The following CRY1 variants were observed in gnomAD, a reference collection of about 807,000 sequenced individuals.
CRY1 encodes the protein cryptochrome-1.
In CRY1, 45 loss-of-function variants were observed where a neutral mutation model predicts 76.0. That is an observed-to-expected ratio of 0.59 (90% CI 0.47 to 0.76). The LOEUF (loss-of-function observed/expected upper bound fraction) is 0.76, where lower values mean the gene tolerates loss of function less well. Ranked by LOEUF, CRY1 falls within the 30% of genes least tolerant of loss-of-function variation. The probability of loss-of-function intolerance (pLI) is 0.00; values close to 1 mark genes in which losing one functional copy is unlikely to be tolerated. For synonymous variants in CRY1, 248 were observed against 244.0 expected, an observed-to-expected ratio of 1.02 and a Z score of -0.15; for missense variants, 587 against 716.4, an observed-to-expected ratio of 0.82 and a Z score of 2.06.
intron 2 of CRY1, among the ~76,000 whole-genome samples, chr12:107,016,464 A>C (rs911548665): frequency 6.6e-6 from 1 of 152,264 alleles, no homozygotes; most frequent in Non-Finnish European, 1.5e-5. Context: ...CATATGTCCT[A>C]GGAGAAAGCA....
chr12:107,078,890 C>T (rs1048472124), intron 1 of CRY1, among the ~76,000 whole-genome samples: 1 of 152,136 alleles, frequency 6.6e-6, no homozygotes, highest in Non-Finnish European at 1.5e-5. Flanking sequence ...TTCACTGTAC[C>T]TCTACAGGCT....
chr12:107,065,652 G>C (rs1038689362), intron 1 of CRY1, among the ~76,000 whole-genome samples: 6 of 151,904 alleles, frequency 3.9e-5, no homozygotes, highest in African/African-American at 1.5e-4. Context: ...AAATAAAACA[G>C]AACTATTATA....
At position 106,998,727 on chromosome 12, in the gene CRY1, T is replaced by A. The variant is rs138302013; in HGVS notation, c.1138-661A>T. Among the ~76,000 whole-genome samples, 699 of 150,396 alleles carry A rather than the reference T, an allele frequency of 4.6e-3. 1 individual carries two copies. Among genetic ancestry groups the A allele is most frequent in the Non-Finnish European group, 7.4e-3 (503 of 67,778 alleles). On this transcript the variant is annotated intron_variant, in intron 7 of 12. Transcript: ENST00000008527. Reference sequence around the variant, plus strand: ...ATGGTCCTTGGATGGGGCAAATGTATGGTATTGCCAGAAAGGTAAAAAATG... The same window carrying A: ...ATGGTCCTTGGATGGGGCAAATGTAAGGTATTGCCAGAAAGGTAAAAAATG...
At chr12:107,061,106 G>A (rs1043890070) in intron 1 of CRY1, among the ~76,000 whole-genome samples, 1 of 151,978 alleles carries the variant, frequency 6.6e-6, no homozygotes, top group African/African-American at 2.4e-5. Context: ...AAGGATCTAT[G>A]GCTATAACAA....
intron 1 of CRY1, among the ~76,000 whole-genome samples, chr12:107,073,479 C>A (rs546106734): frequency 6.6e-6 from 1 of 152,222 alleles, no homozygotes; most frequent in Admixed American, 6.5e-5. Flanking sequence ...GTAATCCCAG[C>A]ACTTTGGGAG....
chr12:107,057,225 A>G (rs564194561), intron 1 of CRY1, among the ~76,000 whole-genome samples: 4 of 151,848 alleles, frequency 2.6e-5, no homozygotes, highest in Non-Finnish European at 5.9e-5. Flanking sequence ...TGTTAACAAG[A>G]TTGAAAAATC....
At chr12:107,081,212 T>C (rs1218229488) in intron 1 of CRY1, among the ~76,000 whole-genome samples, 1 of 152,096 alleles carries the variant, frequency 6.6e-6, no homozygotes. Context: ...AATGAACATG[T>C]TGAAGTTTAA....
intron 1 of CRY1, among the ~76,000 whole-genome samples, chr12:107,048,886 C>G (rs1040467483): frequency 6.6e-6 from 1 of 152,050 alleles, no homozygotes; most frequent in African/African-American, 2.4e-5. Flanking sequence ...GTCTAATTGT[C>G]TGGTTTTTTT....
intron 2 of CRY1, among the ~76,000 whole-genome samples, chr12:107,013,823 A>G (rs1208591990): frequency 1.3e-5 from 2 of 152,222 alleles, no homozygotes; most frequent in African/African-American, 4.8e-5. Context: ...TTAAAAGATA[A>G]AATAGCTTAT....
chr12:107,056,571 A>C (rs1487725035), intron 1 of CRY1, among the ~76,000 whole-genome samples: 1 of 150,260 alleles, frequency 6.7e-6, no homozygotes, highest in Non-Finnish European at 1.5e-5. Context: ...TATGAGATTT[A>C]AGCACAGACT....
At chr12:106,999,129 A>G (rs1952271361) in intron 7 of CRY1, among the ~76,000 whole-genome samples, 2 of 151,938 alleles carry the variant, frequency 1.3e-5, no homozygotes, top group South Asian at 4.1e-4. Flanking sequence ...GCTTCTCTTT[A>G]CATAATAGAA....
At chr12:106,997,425 G>C in intron 9 of CRY1, 39 bp from the exon 10 acceptor site, 1 of 1,611,642 alleles carries the variant, frequency 6.2e-7, no homozygotes, top group Non-Finnish European at 8.5e-7. Context: ...TTATGATCAA[G>C]ATAAAATTCA....
Position 107,036,998 on chromosome 12 carries a change from C to T in CRY1, c.159-14806G>A, listed in dbSNP as rs571047776. On this transcript the variant is annotated intron_variant, in intron 1 of 12. Coordinates refer to ENST00000008527, the MANE Select transcript of CRY1 (RefSeq NM_004075.5). ...TTATTTATGTGTTAATGACCTGTATCTCACCCCCACTCAGATGTAAATTCC... is the reference window on the plus strand; with the variant it reads ...TTATTTATGTGTTAATGACCTGTATTTCACCCCCACTCAGATGTAAATTCC... 6.4e-4 allele frequency among the ~76,000 whole-genome samples: 97 copies of T among 152,210 alleles called. No homozygotes were observed. The South Asian group carries it at 7.7e-3, about 12-fold the overall frequency.
At chr12:106,999,485 G>C in intron 7 of CRY1, 66 bp downstream of exon 7, 1 of 1,424,406 alleles carries the variant, frequency 7.0e-7, no homozygotes, top group South Asian at 1.4e-5. Flanking sequence ...ACAACTTCTA[G>C]GATTTGTTTT....
chr12:107,074,562 A>T (rs79626237), intron 1 of CRY1, among the ~76,000 whole-genome samples: 20,934 of 152,162 alleles, frequency 0.14, 2,569 homozygotes, highest in African/African-American at 0.32. Flanking sequence ...TATGCAACCC[A>T]AACCAAATAA....
At chr12:107,019,024 T>C (rs1223447793) in intron 2 of CRY1, among the ~76,000 whole-genome samples, 1 of 152,186 alleles carries the variant, frequency 6.6e-6, no homozygotes, top group Non-Finnish European at 1.5e-5. Flanking sequence ...TTACCTCCAA[T>C]GTGGAAAACC....
chr12:107,005,031 T>A (rs1029128357), intron 3 of CRY1, 75 bp downstream of exon 3: 1 of 1,415,842 alleles, frequency 7.1e-7, no homozygotes, highest in Non-Finnish European at 9.6e-7. Context: ...CCGAACTATA[T>A]ACTTAAAAAT....
chr12:107,092,718 T>G, intron 1 of CRY1, 86 bp downstream of exon 1: 1 of 1,560,666 alleles, frequency 6.4e-7, no homozygotes. Context: ...CACGTCTAAA[T>G]TCACAGATTT....
At position 107,092,916 on chromosome 12, in the gene CRY1, G is replaced by T. The variant is rs1953491801; in HGVS notation, c.46C>A (p.His16Asn). ...VHWFRKGLRL[H>N]DNPALKECIQ... Reference sequence around the variant, plus strand: ...CACTCCTTCAGGGCGGGGTTGTCGTGGAGCCGGAGCCCCTTTCGGAACCAG... The same window carrying T: ...CACTCCTTCAGGGCGGGGTTGTCGTTGAGCCGGAGCCCCTTTCGGAACCAG... The change falls in exon 1 of 13, where the codon CAC (histidine) becomes AAC (asparagine). Residue 16 changes from histidine to asparagine, a missense_variant. His to Asn is a moderately conservative substitution (Grantham distance 68, BLOSUM62 1). Transcript: ENST00000008527. The T allele has an allele frequency of 6.2e-7, 1 of 1,605,108 alleles. No individual in the cohort carries two copies. Among genetic ancestry groups the T allele is most frequent in the East Asian group, 2.2e-5 (1 of 44,730 alleles).
Sources: allele counts gnomAD v4.1 joint callset (sites outside exome capture counted in the v4.1 genomes callset), GRCh38; gene constraint gnomAD v4.1.1; transcripts MANE v1.5; gene names NCBI Gene and HGNC (gene_info 2026-07-23, HGNC 2026-07-21).